KMT2C: variants seen among roughly 807,000 people sequenced by gnomAD.
The protein encoded by KMT2C is lysine methyltransferase 2C, also known as histone-lysine N-methyltransferase 2C.
KMT2C carries 88 observed loss-of-function variants against 507.9 expected under a neutral mutation model. The ratio of observed to expected loss-of-function variants is 0.17; its 90% confidence interval spans 0.15 to 0.21. The LOEUF (loss-of-function observed/expected upper bound fraction) is 0.21, where lower values mean the gene tolerates loss of function less well. Among genes scored for constraint, KMT2C ranks in the 10% least tolerant of loss-of-function variants. The probability of loss-of-function intolerance (pLI) is 1.00; values close to 1 mark genes in which losing one functional copy is unlikely to be tolerated. For synonymous variants in KMT2C, 2,049 were observed against 2,080.8 expected, an observed-to-expected ratio of 0.98 and a Z score of 0.42; for missense variants, 4,954 against 5,957.8, an observed-to-expected ratio of 0.83 and a Z score of 5.55.
At chr7:152,198,184 G>A (rs1054623236) in intron 27 of KMT2C, among the ~76,000 whole-genome samples, 10 of 152,200 alleles carry the variant, frequency 6.6e-5, no homozygotes, top group African/African-American at 2.4e-4. Flanking sequence ...ATTAAAGTAG[G>A]AGGTAAAAAA....
intron 47 of KMT2C, 28 bp from the exon 48 acceptor site, chr7:152,154,174 A>G (rs964063324): frequency 3.1e-6 from 5 of 1,612,496 alleles, no homozygotes; most frequent in Admixed American, 3.3e-5. Context: ...AAAAAGAGGA[A>G]AATAGTGTTA....
intron 48 of KMT2C, among the ~76,000 whole-genome samples, chr7:152,153,255 A>T (rs1349609989): frequency 1.3e-5 from 2 of 152,222 alleles, no homozygotes; most frequent in African/African-American, 2.4e-5. Flanking sequence ...CAGTTCCTAC[A>T]GGTGGTCAGA....
At chr7:152,417,154 C>T (rs1177549159) in intron 1 of KMT2C, among the ~76,000 whole-genome samples, 1 of 151,434 alleles carries the variant, frequency 6.6e-6, no homozygotes, top group Non-Finnish European at 1.5e-5. Flanking sequence ...TTAAAAAGTT[C>T]GTATTTACTA....
intron 1 of KMT2C, among the ~76,000 whole-genome samples, chr7:152,430,125 C>A (rs1209248367): frequency 6.6e-6 from 1 of 150,930 alleles, no homozygotes; most frequent in African/African-American, 2.4e-5. Flanking sequence ...CCACAGTGAG[C>A]CAGGATCACG....
At chr7:152,365,337 T>C (rs143264462) in intron 1 of KMT2C, among the ~76,000 whole-genome samples, 3,690 of 152,212 alleles carry the variant, frequency 0.024, 158 homozygotes, top group African/African-American at 0.083. Flanking sequence ...GGTGAAACCC[T>C]GTCTCTGCTA....
chr7:152,433,970 A>C (rs2097890858), intron 1 of KMT2C, among the ~76,000 whole-genome samples: 1 of 152,254 alleles, frequency 6.6e-6, no homozygotes, highest in South Asian at 2.1e-4. Context: ...AATTTAAAAC[A>C]ATACTTGCAA....
At chr7:152,256,566 T>C (rs2095665495) in intron 9 of KMT2C, among the ~76,000 whole-genome samples, 1 of 151,354 alleles carries the variant, frequency 6.6e-6, no homozygotes, top group African/African-American at 2.4e-5. Flanking sequence ...CTCACACAAA[T>C]AAGCAAAAAA....
intron 42 of KMT2C, among the ~76,000 whole-genome samples, chr7:152,165,434 AT>A (rs555309045): frequency 2.1e-4 from 32 of 152,362 alleles, no homozygotes; most frequent in South Asian, 1.0e-3. Context: ...GCTAAAAAAA[AT>A]ATACTTTATT....
At chr7:152,306,071 T>C (rs1463171886) in intron 6 of KMT2C, among the ~76,000 whole-genome samples, 1 of 152,238 alleles carries the variant, frequency 6.6e-6, no homozygotes, top group Non-Finnish European at 1.5e-5. Flanking sequence ...GAGTTTATTT[T>C]CATACTTCTG....
At chr7:152,346,939 A>G (rs1340005458) in intron 2 of KMT2C, among the ~76,000 whole-genome samples, 11 of 152,184 alleles carry the variant, frequency 7.2e-5, no homozygotes, top group Admixed American at 5.2e-4. Context: ...CATCCTGGCT[A>G]ACACGGTGAA....
intron 1 of KMT2C, among the ~76,000 whole-genome samples, chr7:152,428,458 CAAAAAAAAAAA>C (rs140697569): frequency 1.4e-5 from 1 of 73,516 alleles, no homozygotes; most frequent in Non-Finnish European, 2.6e-5. Context: ...ACTAAAAATA[CAAAAAAAAAAA>C]AAAAAAAAAA....
chr7:152,205,182 T>C lies in KMT2C; in HGVS notation c.3885A>G (p.Gln1295=), dbSNP rs532152504. The change falls in exon 25 of 59, where the codon CAA becomes CAG. Residue 1295 remains glutamine (Q), a synonymous_variant. Transcript: ENST00000262189. ...TGATCACAGATCTTTTGGTTTTCCC[T>C]TGCCCAGTTCGACTTCTTTGCCGCA... ...FMVRQRSRTG[Q]GKTKRSVIRK... The C allele has an allele frequency of 3.7e-6, 6 of 1,611,574 alleles. No homozygotes were observed. The Admixed American group carries it at 6.7e-5, about 18-fold the overall frequency.
At position 152,368,554 on chromosome 7, in the gene KMT2C, C is replaced by T. The variant is rs532669304; in HGVS notation, c.162-9879G>A. ...GCACAAAGAATTAGAGGAAAAACGT[C>T]GTCAGTTTGAGGATGAGAAGGCAAA... On this transcript the variant is annotated intron_variant, in intron 1 of 58. Coordinates refer to ENST00000262189, the MANE Select transcript of KMT2C (RefSeq NM_170606.3). 52 of 1,384,114 alleles carry T rather than the reference C, an allele frequency of 3.8e-5. No individual in the cohort carries two copies. In the African/African-American group the frequency reaches 5.6e-4, roughly 15 times the overall value. The allele number at this position is 1,384,114 out of a possible 1,614,324, so 85.7% of individuals were successfully genotyped here.
intron 4 of KMT2C, among the ~76,000 whole-genome samples, chr7:152,312,690 A>AG (rs1443862425): frequency 6.6e-6 from 1 of 152,218 alleles, no homozygotes; most frequent in African/African-American, 2.4e-5. Flanking sequence ...AACATATGGG[A>AG]GATTTCAGGC....
At chr7:152,291,260 G>A (rs1355027256) in intron 6 of KMT2C, among the ~76,000 whole-genome samples, 1 of 152,238 alleles carries the variant, frequency 6.6e-6, no homozygotes, top group Non-Finnish European at 1.5e-5. Flanking sequence ...AAATTGCTAT[G>A]TAGAATGGCA....
intron 49 of KMT2C, 84 bp downstream of exon 49, chr7:152,152,621 A>AAAAGATAATCAGTATCTC: frequency 6.6e-7 from 1 of 1,512,854 alleles, no homozygotes; most frequent in South Asian, 1.2e-5. Context: ...GTCCGTTGTT[A>AAAAGATAATCAGTATCTC]AAAGATAATC....
intron 26 of KMT2C, among the ~76,000 whole-genome samples, chr7:152,200,977 T>G (rs2094118414): frequency 6.6e-6 from 1 of 152,140 alleles, no homozygotes; most frequent in African/African-American, 2.4e-5. Flanking sequence ...AGAAGAGGAT[T>G]CATTTCTTAT....
chr7:152,430,040 T>C (rs980667140), intron 1 of KMT2C, among the ~76,000 whole-genome samples: 12 of 140,554 alleles, frequency 8.5e-5, no homozygotes, highest in African/African-American at 2.1e-4. Context: ...TAGCTGGGTG[T>C]GGTGGCATGC....
At chr7:152,367,406 C>G in intron 1 of KMT2C, 1 of 688,190 alleles carries the variant, frequency 1.5e-6, no homozygotes, top group East Asian at 2.7e-5. Flanking sequence ...CAAAGTGAGA[C>G]AGGGTCTCGC....
Sources: allele counts gnomAD v4.1 joint callset (sites outside exome capture counted in the v4.1 genomes callset), GRCh38; gene constraint gnomAD v4.1.1; transcripts MANE v1.5; gene names NCBI Gene and HGNC (gene_info 2026-07-23, HGNC 2026-07-21).